The following PALM variants were observed in gnomAD, a reference collection of about 807,000 sequenced individuals.
PALM encodes the protein paralemmin.
In PALM, 18 loss-of-function variants were observed where a neutral mutation model predicts 30.7. That is an observed-to-expected ratio of 0.59 (90% CI 0.41 to 0.87). The LOEUF (loss-of-function observed/expected upper bound fraction) is 0.87. Among genes scored for constraint, PALM ranks in the 40% least tolerant of loss-of-function variants. The pLI, the probability that PALM is intolerant of heterozygous loss-of-function variation, is 0.00. For missense variants in PALM, 529 were observed against 555.4 expected (o/e 0.95, Z 0.48); for synonymous variants, 286 against 242.8 (o/e 1.18, Z -1.66).
intron 6 of PALM, 56 bp downstream of exon 6, chr19:734,250 G>T: frequency 1.3e-6 from 2 of 1,553,148 alleles, no homozygotes. Context: ...GGCCAGAGAG[G>T]GGATGGCAGG....
chr19:727,236 C>CTGA lies in PALM; in HGVS notation c.138+148_138+149insTGA, dbSNP rs1323316385. ...CCTGACCCTGACCCCGACCCTGACC[C>CTGA]CGACCCCGACCCCGACCCTGACCCC... On this transcript the variant is annotated intron_variant, in intron 3 of 8. Coordinates refer to ENST00000338448, the MANE Select transcript of PALM (RefSeq NM_002579.3). 191 of 433,442 alleles carry CTGA rather than the reference C, an allele frequency of 4.4e-4. 1 individual carries two copies. The highest frequency in any genetic ancestry group is 1.8e-3 in the South Asian group (55 of 30,746). 26.8% of individuals were successfully genotyped at this position (433,442 alleles called of 1,614,324 possible).
At chr19:711,302 C>A in intron 1 of PALM, 2 of 487,936 alleles carry the variant, frequency 4.1e-6, no homozygotes, top group Non-Finnish European at 5.3e-6. Flanking sequence ...CATGGTCTGG[C>A]TGGTAAAATA....
At chr19:736,158 C>CGGGGGGGCGGGGGGGGGGGGGGGGGG in intron 7 of PALM, 80 bp downstream of exon 7, 1 of 500,694 alleles carries the variant, frequency 2.0e-6, no homozygotes, top group Non-Finnish European at 3.8e-6. Flanking sequence ...CCGGGTGGGG[C>CGGGGGGGCGGGGGGGGGGGGGGGGGG]GGGGGCGACA....
intron 1 of PALM, among the ~76,000 whole-genome samples, chr19:722,236 G>A (rs947118926): frequency 6.6e-6 from 1 of 152,066 alleles, no homozygotes; most frequent in Non-Finnish European, 1.5e-5. Context: ...TTATTTTTGA[G>A]ACAAAGTCTT....
At chr19:712,413 G>A (rs1442618930) in intron 1 of PALM, among the ~76,000 whole-genome samples, 7 of 151,350 alleles carry the variant, frequency 4.6e-5, no homozygotes, top group African/African-American at 1.5e-4. Context: ...TTGAGACAGA[G>A]TCTTGCTCCA....
At chr19:737,101 G>T (rs982669632) in intron 7 of PALM, among the ~76,000 whole-genome samples, 1 of 152,208 alleles carries the variant, frequency 6.6e-6, no homozygotes, top group East Asian at 1.9e-4. Flanking sequence ...TGGGGTGGCT[G>T]CCCAGGACGG....
At chr19:727,722 GGCTGGGTGGGGCCTCGGGGGCC>G (rs1215005579) in intron 4 of PALM, 28 bp downstream of exon 4, 17 of 1,520,840 alleles carry the variant, frequency 1.1e-5, no homozygotes, top group Non-Finnish European at 1.5e-5. Flanking sequence ...GGTGCCACCG[GGCTGGGTGGGGCCTCGGGGGCC>G]GCTGGCTCCC....
rs1376408613 is a variant in PALM, at chr19:742,019, C to A, written c.634+1536C>A. ...GAGTCACTGCACCCGGCCTCTTTTT[C>A]TTTTATGAGATATAATTCGCAGACC... On this transcript the variant is annotated intron_variant, in intron 8 of 8. Coordinates refer to ENST00000338448, the MANE Select transcript of PALM (RefSeq NM_002579.3). The surrounding 1 kb of genome is among the most constrained non-coding windows in gnomAD (Gnocchi z 5.5). Among the ~76,000 whole-genome samples the A allele has an allele frequency of 6.6e-6, 1 of 151,432 alleles. No homozygotes were observed.
intron 1 of PALM, among the ~76,000 whole-genome samples, chr19:713,687 T>G (rs1375198418): frequency 6.8e-6 from 1 of 146,560 alleles, no homozygotes; most frequent in Non-Finnish European, 1.5e-5. Flanking sequence ...CACGCGATTC[T>G]CATGCCTCAG....
At chr19:727,255 T>C (rs375523149) in intron 3 of PALM, among the ~76,000 whole-genome samples, 167 bp downstream of exon 3, 189 of 19,254 alleles carry the variant, frequency 9.8e-3, no homozygotes, top group Non-Finnish European at 0.014. Flanking sequence ...ACCCCGACCC[T>C]GACCCCAACC....
chr19:737,786 G>A (rs1045505447), intron 7 of PALM, among the ~76,000 whole-genome samples: 11 of 152,190 alleles, frequency 7.2e-5, no homozygotes, highest in Admixed American at 6.5e-4. Flanking sequence ...AGCGTGAGGA[G>A]GGGGAGAGGG....
chr19:741,422 GGA>G (rs1471962501), intron 8 of PALM, among the ~76,000 whole-genome samples: 1 of 150,774 alleles, frequency 6.6e-6, no homozygotes, highest in Non-Finnish European at 1.5e-5. Flanking sequence ...AGGGGTGAGG[GGA>G]GACGGGCTGC....
In PALM at chr19:747,004, A is replaced by T; in HGVS notation, c.*190A>T. The T allele has an allele frequency of 3.5e-6, 2 of 575,726 alleles. No homozygotes were observed. Among genetic ancestry groups the T allele is most frequent in the South Asian group, 4.2e-5 (2 of 47,684 alleles). 35.7% of individuals were successfully genotyped at this position (575,726 alleles called of 1,614,324 possible). ...CCCCCACCCGTCACCACGCCCCAAC[A>T]CTCCCCCCGAACCAGAGCCGTGCAC... On this transcript the variant is annotated 3_prime_UTR_variant, in exon 9 of 9. Transcript: ENST00000338448.
At chr19:711,652 CTT>C (rs1339844157) in intron 1 of PALM, among the ~76,000 whole-genome samples, 2 of 152,194 alleles carry the variant, frequency 1.3e-5, no homozygotes, top group African/African-American at 4.8e-5. Context: ...TTTCCGCTGT[CTT>C]GTTTGTGGCG....
At position 734,024 on chromosome 19, in the gene PALM, G is replaced by A. The variant is rs907821614; in HGVS notation, c.421-149G>A. The A allele has an allele frequency of 5.4e-5, 36 of 667,410 alleles. No homozygotes were observed. In the African/African-American group the frequency reaches 6.3e-4, roughly 12 times the overall value. 41.3% of individuals were successfully genotyped at this position (667,410 alleles called of 1,614,324 possible). A position where few individuals can be genotyped will look rare whatever the true frequency, so the allele number is the denominator to read the frequency against. On this transcript the variant is annotated intron_variant, in intron 5 of 8. Coordinates refer to ENST00000338448, the MANE Select transcript of PALM (RefSeq NM_002579.3). ...AAAGAAAGATGACCTCTGTGTTTCT[G>A]GCCAGAGTCCCAAGAGGATAGGATG... is the stretch of plus-strand genomic sequence containing the variant.
intron 1 of PALM, among the ~76,000 whole-genome samples, chr19:725,126 A>C (rs940565273): frequency 6.6e-6 from 1 of 151,838 alleles, no homozygotes; most frequent in Admixed American, 6.6e-5. Flanking sequence ...AGGTTTTGCC[A>C]TGTTGGCCAG....
intron 4 of PALM, among the ~76,000 whole-genome samples, chr19:729,728 C>T (rs143109832): frequency 0.019 from 2,937 of 152,146 alleles, 54 homozygotes; most frequent in East Asian, 0.07. Flanking sequence ...TTCCAAAGTG[C>T]TGGGATTACA....
At chr19:736,790 C>G (rs1213181073) in intron 7 of PALM, among the ~76,000 whole-genome samples, 1 of 152,226 alleles carries the variant, frequency 6.6e-6, no homozygotes, top group Admixed American at 6.5e-5. Flanking sequence ...TGGCTCACAC[C>G]TGTAACCCAC....
intron 1 of PALM, among the ~76,000 whole-genome samples, chr19:713,903 TC>T (rs2032166315): frequency 7.3e-6 from 1 of 136,186 alleles, no homozygotes; most frequent in South Asian, 2.2e-4. Flanking sequence ...TTTCTTTCTT[TC>T]TTTCTTTTTT....
Sources: gnomAD v4.1 joint callset for allele counts (sites outside exome capture counted in the v4.1 genomes callset) on GRCh38, gnomAD v4.1.1 for gene constraint, Gnocchi (gnomAD v3.1) non-coding constraint, MANE v1.5 for transcripts, NCBI Gene and HGNC (gene_info 2026-07-23, HGNC 2026-07-21) for gene names.